Variants in KHDRBS3 observed in about 807,000 individuals in gnomAD.
The protein encoded by KHDRBS3 is KH RNA binding domain containing, signal transduction associated 3.
In KHDRBS3, 23 loss-of-function variants were observed where a neutral mutation model predicts 45.6. That is an observed-to-expected ratio of 0.50 (90% CI 0.36 to 0.72). The LOEUF (loss-of-function observed/expected upper bound fraction) is 0.72. KHDRBS3 is among the 30% of genes least tolerant of loss of function. The pLI, the probability that KHDRBS3 is intolerant of heterozygous loss-of-function variation, is 0.00. For missense variants in KHDRBS3, 352 were observed against 424.8 expected (o/e 0.83, Z 1.51); for synonymous variants, 162 against 156.5 (o/e 1.04, Z -0.26).
chr8:135,619,516 A>G (rs1830052286), intron 7 of KHDRBS3, among the ~76,000 whole-genome samples: 1 of 152,202 alleles, frequency 6.6e-6, no homozygotes, highest in African/African-American at 2.4e-5. Context: ...AAGTGTGACC[A>G]TGGGCAAGTT....
At chr8:135,551,984 C>A (rs1393785282) in intron 4 of KHDRBS3, among the ~76,000 whole-genome samples, 1 of 152,042 alleles carries the variant, frequency 6.6e-6, no homozygotes, top group East Asian at 1.9e-4. Flanking sequence ...ACTCTGCTAC[C>A]TTCTGACCTC....
At chr8:135,531,219 C>G (rs1297138927) in intron 2 of KHDRBS3, among the ~76,000 whole-genome samples, 5 of 152,138 alleles carry the variant, frequency 3.3e-5, no homozygotes, top group African/African-American at 1.2e-4. Flanking sequence ...TACTTGTACA[C>G]TTCATTGATC....
chr8:135,525,134 T>C (rs545755802), intron 2 of KHDRBS3, among the ~76,000 whole-genome samples: 2 of 152,310 alleles, frequency 1.3e-5, no homozygotes, highest in Admixed American at 6.5e-5. Flanking sequence ...TGTAGAAACC[T>C]TGGATTCTGT....
At chr8:135,578,604 G>A (rs1368505904) in intron 5 of KHDRBS3, among the ~76,000 whole-genome samples, 7 of 152,014 alleles carry the variant, frequency 4.6e-5, no homozygotes, top group Non-Finnish European at 1.0e-4. Flanking sequence ...CAAATACCGC[G>A]CTGTCTTGAT....
At chr8:135,470,023 C>CA (rs1821931970) in intron 1 of KHDRBS3, among the ~76,000 whole-genome samples, 2 of 152,154 alleles carry the variant, frequency 1.3e-5, no homozygotes, top group African/African-American at 4.8e-5. Context: ...TATTTAATTT[C>CA]AAAAATTCAA....
chr8:135,555,302 G>A (rs1826821048), intron 4 of KHDRBS3, among the ~76,000 whole-genome samples: 1 of 151,892 alleles, frequency 6.6e-6, no homozygotes, highest in Non-Finnish European at 1.5e-5. Flanking sequence ...CGTGCCACAT[G>A]TGGCCCAGGA....
Position 135,615,078 on chromosome 8 carries a change from G to T in KHDRBS3, c.890+8041G>T, listed in dbSNP as rs182856811. 1.2e-3 allele frequency among the ~76,000 whole-genome samples: 175 copies of T among 151,924 alleles called. 10 individuals carry two copies. Among genetic ancestry groups the T allele is most frequent in the African/African-American group, 3.6e-3 (147 of 41,212 alleles). On this transcript the variant is annotated intron_variant, in intron 7 of 8. Transcript: ENST00000355849. ...ATCCCCTCCCCTGGGGAATGATGGA[G>T]GATAAGGAACCTGATCAGATACTGA...
At chr8:135,590,494 C>G (rs1828697920) in intron 6 of KHDRBS3, among the ~76,000 whole-genome samples, 1 of 152,180 alleles carries the variant, frequency 6.6e-6, no homozygotes, top group Admixed American at 6.5e-5. Context: ...TAACCTCTTT[C>G]CAACTTAAAA....
intron 1 of KHDRBS3, among the ~76,000 whole-genome samples, chr8:135,499,338 A>G (rs1468902347): frequency 1.3e-5 from 2 of 152,212 alleles, no homozygotes; most frequent in Non-Finnish European, 1.5e-5. Flanking sequence ...AAGAAACAGA[A>G]TGTCAGAAAT....
At chr8:135,529,591 T>C (rs562067738) in intron 2 of KHDRBS3, among the ~76,000 whole-genome samples, 25 of 152,184 alleles carry the variant, frequency 1.6e-4, no homozygotes, top group Non-Finnish European at 3.1e-4. Context: ...TGAAATAATC[T>C]AGTGATATTG....
At chr8:135,481,130 C>T (rs1388940042) in intron 1 of KHDRBS3, among the ~76,000 whole-genome samples, 2 of 151,220 alleles carry the variant, frequency 1.3e-5, no homozygotes, top group Non-Finnish European at 2.9e-5. Context: ...ATTCACTGCC[C>T]TGCTTACCTG....
intron 7 of KHDRBS3, among the ~76,000 whole-genome samples, chr8:135,639,112 T>C (rs1830948270): frequency 6.6e-6 from 1 of 152,098 alleles, no homozygotes; most frequent in African/African-American, 2.4e-5. Flanking sequence ...TCACATAACA[T>C]GTGGATGAGC....
intron 6 of KHDRBS3, among the ~76,000 whole-genome samples, chr8:135,603,392 C>G (rs777108892): frequency 1.4e-4 from 22 of 152,316 alleles, no homozygotes; most frequent in Admixed American, 7.8e-4. Context: ...TTGCTACTTA[C>G]CTGATAACCA....
At chr8:135,650,807 C>G (rs1346058090), downstream of KHDRBS3, among the ~76,000 whole-genome samples, 1 of 152,202 alleles carries the variant, frequency 6.6e-6, no homozygotes, top group Non-Finnish European at 1.5e-5. Context: ...TTCTCTACCC[C>G]GCCCCTGCAC....
chr8:135,581,844 A>G (rs1381003213), intron 5 of KHDRBS3, 34 bp from the exon 6 acceptor site: 1 of 1,475,852 alleles, frequency 6.8e-7, no homozygotes, highest in Non-Finnish European at 9.2e-7. Flanking sequence ...AGAGACTATG[A>G]TAGATACTGC....
chr8:135,489,949 T>C (rs973723130), intron 1 of KHDRBS3, among the ~76,000 whole-genome samples: 9 of 152,128 alleles, frequency 5.9e-5, no homozygotes, highest in Non-Finnish European at 1.3e-4. Context: ...GGTGTTCTGT[T>C]TTTTATCTTT....
At chr8:135,627,415 C>CTAGA (rs1056431236) in intron 7 of KHDRBS3, among the ~76,000 whole-genome samples, 1 of 152,170 alleles carries the variant, frequency 6.6e-6, no homozygotes, top group Non-Finnish European at 1.5e-5. Flanking sequence ...ATAAATTTTG[C>CTAGA]TTCTATCTCA....
chr8:135,651,680 T>G (rs1023104453), downstream of KHDRBS3, among the ~76,000 whole-genome samples: 15 of 152,246 alleles, frequency 9.9e-5, no homozygotes, highest in Non-Finnish European at 2.1e-4. Flanking sequence ...TACAAGCTTC[T>G]GTTTCCACTG....
chr8:135,478,141 C>T (rs1392408719), intron 1 of KHDRBS3, among the ~76,000 whole-genome samples: 1 of 152,060 alleles, frequency 6.6e-6, no homozygotes, highest in Non-Finnish European at 1.5e-5. Flanking sequence ...GTCCCTGACA[C>T]CAAAAAGGTC....
Sources: allele counts gnomAD v4.1 joint callset (sites outside exome capture counted in the v4.1 genomes callset), GRCh38; gene constraint gnomAD v4.1.1; transcripts MANE v1.5; gene names NCBI Gene and HGNC (gene_info 2026-07-23, HGNC 2026-07-21).